Variants in DHH observed in about 807,000 individuals in gnomAD.
DHH encodes the protein desert hedgehog protein.
A neutral mutation model predicts 27.6 loss-of-function variants in DHH; 16 were observed. The observed-to-expected ratio is 0.58, with a 90% CI of 0.39 to 0.88. DHH has a LOEUF of 0.88. Among genes scored for constraint, DHH ranks in the 40% least tolerant of loss-of-function variants. The pLI, the probability that DHH is intolerant of heterozygous loss-of-function variation, is 0.00. For synonymous variants in DHH, 289 were observed against 263.4 expected, an observed-to-expected ratio of 1.10 and a Z score of -0.94; for missense variants, 436 against 563.1, an observed-to-expected ratio of 0.77 and a Z score of 2.28.
chr12:49,092,664 A>G (rs1939326551), intron 1 of DHH, among the ~76,000 whole-genome samples: 1 of 152,202 alleles, frequency 6.6e-6, no homozygotes, highest in Admixed American at 6.5e-5. Context: ...TCGTCCCCTA[A>G]GGAGGCCCCG....
rs924309923 is a variant in DHH, at chr12:49,091,420, A to G, written c.304-31T>C. On this transcript the variant is annotated intron_variant, in intron 1 of 2. Transcript: ENST00000649637. This position sits in a 1 kb window ranked among gnomAD's most constrained non-coding sequence, Gnocchi z 4.8. ...GGGGAATAAAGGAGTCAGTCTCCCCACCACCACCCTTGGGGCAAAAGGGAC... is the reference window on the plus strand; with the variant it reads ...GGGGAATAAAGGAGTCAGTCTCCCCGCCACCACCCTTGGGGCAAAAGGGAC... The G allele has an allele frequency of 6.2e-7, 1 of 1,612,412 alleles. No individual in the cohort carries two copies. The highest frequency in any genetic ancestry group is 1.8e-4 in the Middle Eastern group (1 of 5,656).
In DHH at chr12:49,090,191, C is replaced by T; in HGVS notation, c.859G>A (p.Ala287Thr). ...RGPAPAPGDF[A>T]PVFARRLRAG... ...CGTAGCCGGCGCGCGAACACCGGTG[C>T]AAAGTCGCCTGGCGCGGGCGCCGGC... The change falls in exon 3 of 3, where the codon GCA (alanine) becomes ACA (threonine). Residue 287 changes from alanine (A) to threonine (T), a missense_variant. Transcript: ENST00000649637. The surrounding 1 kb of genome is among the most constrained non-coding windows in gnomAD (Gnocchi z 5.2). 1.3e-6 allele frequency: 2 copies of T among 1,549,742 alleles called. No homozygotes were observed. Among genetic ancestry groups the T allele is most frequent in the Non-Finnish European group, 1.7e-6 (2 of 1,146,852 alleles).
In DHH at chr12:49,091,838, C is replaced by T. The variant is rs1939310133; in HGVS notation, c.304-449G>A. Among the ~76,000 whole-genome samples the T allele has an allele frequency of 6.6e-6, 1 of 152,148 alleles. No homozygotes were observed. ...TTCATCTTTTGTTTCATTGCCTTCC[C>T]TGGCACCGGGCATCGCTTCCTTCCT... On this transcript the variant is annotated intron_variant, in intron 1 of 2. Transcript: ENST00000649637. The surrounding 1 kb of genome is among the most constrained non-coding windows in gnomAD (Gnocchi z 4.8).
chr12:49,090,587 C>T lies in DHH; in HGVS notation c.566-103G>A. 3 of 1,489,618 alleles carry T rather than the reference C, an allele frequency of 2.0e-6. No homozygotes were observed. The highest frequency in any genetic ancestry group is 2.7e-6 in the Non-Finnish European group (3 of 1,103,700). The allele number at this position is 1,489,618 out of a possible 1,614,324, so 92.3% of individuals were successfully genotyped here. Reference sequence around the variant, plus strand: ...GCCAGTCATGGACAACACAATTTTCCGTTAATCTGACTGGCCCCAACCTGG... The same window carrying T: ...GCCAGTCATGGACAACACAATTTTCTGTTAATCTGACTGGCCCCAACCTGG... On this transcript the variant is annotated intron_variant, in intron 2 of 2. Transcript: ENST00000649637. The surrounding 1 kb of genome is among the most constrained non-coding windows in gnomAD (Gnocchi z 5.2).
At position 49,091,387 on chromosome 12, in the gene DHH, A is replaced by G. The variant is rs749789532; in HGVS notation, c.306T>C (p.Arg102=). ...CCAAAGCGTTCACCCGCTCCTTACA[A>G]CGCTGGCGGGGAATAAAGGAGTCAG... The part of the protein sequence containing the change: ...NSGADRLMTE[R]CKERVNALAI... The change falls in exon 2 of 3, where the codon CGT becomes CGC. Residue 102 remains arginine (R), a splice_region_variant and synonymous_variant. Coordinates refer to ENST00000649637, the MANE Select transcript of DHH (RefSeq NM_021044.4). The surrounding 1 kb of genome is among the most constrained non-coding windows in gnomAD (Gnocchi z 4.8). 21 of 1,613,950 alleles carry G rather than the reference A, an allele frequency of 1.3e-5. No individual in the cohort carries two copies. Among genetic ancestry groups the G allele is most frequent in the Non-Finnish European group, 1.7e-5 (20 of 1,180,000 alleles).
rs1298664776 is a variant in DHH, at chr12:49,090,388, C to T, written c.662G>A (p.Arg221His). 9 of 1,609,516 alleles carry T rather than the reference C, an allele frequency of 5.6e-6. No individual in the cohort carries two copies. Among genetic ancestry groups the T allele is most frequent in the Middle Eastern group, 1.7e-4 (1 of 5,860 alleles). ...GERKGLRELH[R>H]GDWVLAADAS... is the part of the protein sequence containing the mutation. ...ATCGGCCGCCAAAACCCAGTCTCCG[C>T]GGTGCAGTTCCCGCAGCCCTTTCCG... Residue 221 changes from arginine (R) to histidine (H), a missense_variant, in exon 3 of 3, where the codon CGC becomes CAC. Transcript: ENST00000649637. This position sits in a 1 kb window ranked among gnomAD's most constrained non-coding sequence, Gnocchi z 5.2.
rs1939244690 is a variant in DHH at position 49,088,602 on chromosome 12, TTCCTAACTCAGGGGCA to T, written c.*1241_*1256del. On this transcript the variant is annotated 3_prime_UTR_variant, in exon 3 of 3. Transcript: ENST00000649637. Reference sequence around the variant, plus strand: ...AGCCCAGCTTCCTCCAGAGCTTCCATTCCTAACTCAGGGGCACCTGCCTGCCTGGATTCCAGGTGTC... The same window carrying T: ...AGCCCAGCTTCCTCCAGAGCTTCCATCCTGCCTGCCTGGATTCCAGGTGTC... Among the ~76,000 whole-genome samples the T allele has an allele frequency of 6.6e-6, 1 of 152,112 alleles. No homozygotes were observed. Among genetic ancestry groups the T allele is most frequent in the African/African-American group, 2.4e-5 (1 of 41,434 alleles).
In DHH at chr12:49,090,443, T is replaced by C. The variant is rs1939278974; in HGVS notation, c.607A>G (p.Asn203Asp). 1 of 1,607,864 alleles carries C rather than the reference T, an allele frequency of 6.2e-7. No individual in the cohort carries two copies. Among genetic ancestry groups the C allele is most frequent in the Admixed American group, 1.7e-5 (1 of 59,890 alleles). ...CCGCTCCACAGGCGCACAGTTGCAT[T>C]TCCCGGAAAGCAGCCGCCCGCCCGG... The part of the protein sequence containing the change: ...AVRAGGCFPG[N>D]ATVRLWSGER... The change falls in exon 3 of 3, where the codon AAT becomes GAT. Residue 203 changes from asparagine (N) to aspartate (D), a missense_variant. Coordinates refer to ENST00000649637, the MANE Select transcript of DHH (RefSeq NM_021044.4). The surrounding 1 kb of genome is among the most constrained non-coding windows in gnomAD (Gnocchi z 5.2).
Position 49,090,620 on chromosome 12 carries a change from A to G in DHH, c.566-136T>C. ...TGACTGGCCCCAACCTGGGCAGAAAAGGAAGGGCGGTTTTTCTTTCTTTTC... is the reference window on the plus strand; with the variant it reads ...TGACTGGCCCCAACCTGGGCAGAAAGGGAAGGGCGGTTTTTCTTTCTTTTC... On this transcript the variant is annotated intron_variant, in intron 2 of 2. Coordinates refer to ENST00000649637, the MANE Select transcript of DHH (RefSeq NM_021044.4). This position sits in a 1 kb window ranked among gnomAD's most constrained non-coding sequence, Gnocchi z 5.2. 1 of 1,196,378 alleles carries G rather than the reference A, an allele frequency of 8.4e-7. No homozygotes were observed. The highest frequency in any genetic ancestry group is 1.2e-6 in the Non-Finnish European group (1 of 859,622). The allele number at this position is 1,196,378 out of a possible 1,614,324, so 74.1% of individuals were successfully genotyped here. A position where few individuals can be genotyped will look rare whatever the true frequency, so the allele number is the denominator to read the frequency against.
At position 49,087,677 on chromosome 12, in the gene DHH, T is replaced by C. The variant is rs917318691; in HGVS notation, c.*2182A>G. Among the ~76,000 whole-genome samples, 1 of 152,180 alleles carries C rather than the reference T, an allele frequency of 6.6e-6. No individual in the cohort carries two copies. The highest frequency in any genetic ancestry group is 1.5e-5 in the Non-Finnish European group (1 of 68,034). On this transcript the variant is annotated 3_prime_UTR_variant, in exon 3 of 3. Transcript: ENST00000649637. ...AAGGTCACACCACTGCACTCCAGCG[T>C]GGGCAACAGAGCGAGATCCTGTCTC...
In DHH at chr12:49,089,011, C is replaced by T. The variant is rs781727020; in HGVS notation, c.*848G>A. ...GTGGCATATCAGAAAAAACATCCAC[C>T]CCATCCAGGCCCTGCCACCAAGGTA... is the stretch of plus-strand genomic sequence containing the variant. On this transcript the variant is annotated 3_prime_UTR_variant, in exon 3 of 3. Transcript: ENST00000649637. 2.0e-5 allele frequency among the ~76,000 whole-genome samples: 3 copies of T among 152,236 alleles called. No individual in the cohort carries two copies. Among genetic ancestry groups the T allele is most frequent in the Non-Finnish European group, 2.9e-5 (2 of 68,040 alleles).
Position 49,094,429 on chromosome 12 carries a change from C to G in DHH, c.84G>C (p.Gly28=). Residue 28 remains glycine, a synonymous_variant, in exon 1 of 3, where the codon GGG becomes GGC. Transcript: ENST00000649637. ...GCGCATAGCGGCGCCGGCCAACCGG[C>G]CCCCGGCCCGGCCCGCAGCTCTGGG... ...LPAQSCGPGR[G]PVGRRRYARK... The G allele has an allele frequency of 6.2e-7, 1 of 1,606,310 alleles. No homozygotes were observed. The highest frequency in any genetic ancestry group is 1.1e-5 in the South Asian group (1 of 90,570).
Position 49,090,991 on chromosome 12 carries a change from C to T in DHH, c.565+137G>A. 1 of 1,347,488 alleles carries T rather than the reference C, an allele frequency of 7.4e-7. No individual in the cohort carries two copies. The highest frequency in any genetic ancestry group is 1.1e-6 in the Non-Finnish European group (1 of 950,872). The allele number at this position is 1,347,488 out of a possible 1,614,324, so 83.5% of individuals were successfully genotyped here. ...TGCTGGGATTAGAGGCGTGAGGCAC[C>T]GCCTCGGCCTGGACGGGTGGTTTTC... is the stretch of plus-strand genomic sequence containing the variant. On this transcript the variant is annotated intron_variant, in intron 2 of 2. Transcript: ENST00000649637. The surrounding 1 kb of genome is among the most constrained non-coding windows in gnomAD (Gnocchi z 5.2).
rs77626778 is a variant in DHH at position 49,093,472 on chromosome 12, G to A, written c.303+738C>T. On this transcript the variant is annotated intron_variant, in intron 1 of 2. Transcript: ENST00000649637. The stretch of plus-strand genomic sequence containing the variant: ...TAGGTGGTTCCAATGCTCAAAAATG[G>A]TAGTTGAATTTATCCTAATTATGTA... Among the ~76,000 whole-genome samples the A allele has an allele frequency of 4.4e-3, 664 of 152,286 alleles. 2 individuals are homozygous for A. The highest frequency in any genetic ancestry group is 0.015 in the African/African-American group (616 of 41,556).
Position 49,088,777 on chromosome 12 carries a change from G to T in DHH, c.*1082C>A, listed in dbSNP as rs1939246849. ...CAATCAGGGCCAGCGATCAGGAGGG[G>T]AGCTCGGGTTGTAATGCTGATATGC... On this transcript the variant is annotated 3_prime_UTR_variant, in exon 3 of 3. Transcript: ENST00000649637. 6.6e-6 allele frequency among the ~76,000 whole-genome samples: 1 copy of T among 152,160 alleles called. No homozygotes were observed. Among genetic ancestry groups the T allele is most frequent in the Non-Finnish European group, 1.5e-5 (1 of 68,032 alleles).
rs1293421009 is a variant in DHH at position 49,090,335 on chromosome 12, C to G, written c.715G>C (p.Val239Leu). 1 of 1,606,594 alleles carries G rather than the reference C, an allele frequency of 6.2e-7. No homozygotes were observed. The highest frequency in any genetic ancestry group is 8.5e-7 in the Non-Finnish European group (1 of 1,177,480). The change falls in exon 3 of 3, where the codon GTG becomes CTG. Residue 239 changes from valine (V) to leucine (L), a missense_variant. Val to Leu is a conservative substitution (Grantham distance 32, BLOSUM62 1). Transcript: ENST00000649637. The surrounding 1 kb of genome is among the most constrained non-coding windows in gnomAD (Gnocchi z 5.2). ...AAGTCCCGGTCCAGGAAGAGCAGCA[C>G]CGGCGTGGGCACCACCCGGCCTGAC... ...DASGRVVPTP[V>L]LLFLDRDLQR...
rs1436685544 is a variant in DHH at position 49,094,117 on chromosome 12, T to C, written c.303+93A>G. On this transcript the variant is annotated intron_variant, in intron 1 of 2. Transcript: ENST00000649637. ...GGGAAATCTCTAAGGCTAAACTCTC[T>C]GTAGGTGAAGCTGGACTCACCCACC... is the stretch of plus-strand genomic sequence containing the variant. The C allele has an allele frequency of 1.2e-5, 17 of 1,407,544 alleles. No homozygotes were observed. In the Admixed American group the frequency reaches 2.6e-4, roughly 21 times the overall value. The allele number at this position is 1,407,544 out of a possible 1,614,324, so 87.2% of individuals were successfully genotyped here. A position where few individuals can be genotyped will look rare whatever the true frequency, so the allele number is the denominator to read the frequency against.
In DHH at chr12:49,089,991, C is replaced by T. The variant is rs1939266344; in HGVS notation, c.1059G>A (p.Ala353=). 49 of 1,566,766 alleles carry T rather than the reference C, an allele frequency of 3.1e-5. No homozygotes were observed. The East Asian group carries it at 1.2e-3, about 37-fold the overall frequency. The stretch of plus-strand genomic sequence containing the variant: ...GTCTCAAGGGGGCAAAAGCGCGGTG[C>T]GCCCACTGGTGACTCTCCAGAACCG... ...CYAVLESHQW[A]HRAFAPLRLL... is the part of the protein sequence containing the mutation. The change falls in exon 3 of 3, where the codon GCG becomes GCA. Residue 353 remains alanine (A), a synonymous_variant. Transcript: ENST00000649637.
In DHH at chr12:49,094,790, T is replaced by G; in HGVS notation, c.-278A>C. The G allele has an allele frequency of 1.8e-6, 1 of 554,152 alleles. No individual in the cohort carries two copies. Among genetic ancestry groups the G allele is most frequent in the African/African-American group, 1.9e-5 (1 of 52,770 alleles). 34.3% of individuals were successfully genotyped at this position (554,152 alleles called of 1,614,324 possible). A position where few individuals can be genotyped will look rare whatever the true frequency, so the allele number is the denominator to read the frequency against. On this transcript the variant is annotated 5_prime_UTR_variant, in exon 1 of 3. Transcript: ENST00000649637. ...CCAGCCCGTCTCTGCTGCAGGACTC[T>G]GGTGCTGCCAGAACGCCCGGACTCC...
Sources: gnomAD v4.1 joint callset for allele counts (sites outside exome capture counted in the v4.1 genomes callset) on GRCh38, gnomAD v4.1.1 for gene constraint, Gnocchi (gnomAD v3.1) non-coding constraint, MANE v1.5 for transcripts, NCBI Gene and HGNC (gene_info 2026-07-23, HGNC 2026-07-21) for gene names.